Variants in CELF2 observed in about 807,000 individuals in gnomAD.
CELF2 encodes the protein CUG triplet repeat RNA-binding protein 2.
CELF2 carries 8 observed loss-of-function variants against 62.6 expected under a neutral mutation model. The observed-to-expected ratio is 0.13, with a 90% confidence interval of 0.07 to 0.23. The LOEUF is 0.23. Ranked by LOEUF, CELF2 falls within the 10% of genes least tolerant of loss-of-function variation. The pLI is 1.00. For synonymous variants in CELF2, 258 were observed against 250.0 expected (o/e 1.03, Z -0.30); for missense variants, 333 against 671.0 (o/e 0.50, Z 5.56).
rs1423913032 is a variant in CELF2, at chr10:11,330,867, A to ACT, written c.*1815_*1816dup. 2.0e-5 allele frequency: 3 copies of ACT among 152,568 alleles called. No homozygotes were observed. The highest frequency in any genetic ancestry group is 4.4e-5 in the Non-Finnish European group (3 of 68,022). 9.5% of individuals were successfully genotyped at this position (152,568 alleles called of 1,614,324 possible). A position where few individuals can be genotyped will look rare whatever the true frequency, so the allele number is the denominator to read the frequency against. ...ACAGAATGTTGGTTTCTAACAGACTACTTCCAAAAACAGTTTGAGAAAAAA... is the reference window on the plus strand; with the variant it reads ...ACAGAATGTTGGTTTCTAACAGACTACTCTTCCAAAAACAGTTTGAGAAAAAA... On this transcript the variant is annotated 3_prime_UTR_variant, in exon 13 of 13. Transcript: ENST00000633077. The surrounding 1 kb of genome is among the most constrained non-coding windows in gnomAD (Gnocchi z 4.5).
chr10:11,127,535 C>A (rs1478280718), intron 1 of CELF2, among the ~76,000 whole-genome samples: 3 of 152,170 alleles, frequency 2.0e-5, no homozygotes, highest in Non-Finnish European at 2.9e-5. Context: ...TCCTATTTCT[C>A]CACATCCTCT....
the CELF2 span, among the ~76,000 whole-genome samples, chr10:10,691,357 T>C: frequency 2.0e-5 from 3 of 149,366 alleles, no homozygotes; most frequent in African/African-American, 4.9e-5. Flanking sequence ...TATGGCTGCA[T>C]AGTATTCCAT....
intron 2 of CELF2, among the ~76,000 whole-genome samples, chr10:10,978,034 G>GTTTTTTTTTTTT (rs527485788): frequency 3.3e-5 from 4 of 121,782 alleles, no homozygotes; most frequent in Non-Finnish European, 3.4e-5. Context: ...GTTTTTTTTT[G>GTTTTTTTTTTTT]TTTTTTGTTT....
At chr10:10,549,680 C>T in the CELF2 span, among the ~76,000 whole-genome samples, 1 of 152,178 alleles carries the variant, frequency 6.6e-6, no homozygotes, top group African/African-American at 2.4e-5. Flanking sequence ...TGTCTATGTT[C>T]TCATTGACTC....
chr10:11,143,591 C>A (rs182291674), intron 1 of CELF2, among the ~76,000 whole-genome samples: 1 of 152,208 alleles, frequency 6.6e-6, no homozygotes, highest in Non-Finnish European at 1.5e-5. Context: ...CCATTGCTTT[C>A]CTCTTCCCTT....
the CELF2 span, among the ~76,000 whole-genome samples, chr10:10,494,599 A>G: frequency 6.6e-6 from 1 of 152,202 alleles, no homozygotes; most frequent in Non-Finnish European, 1.5e-5. Context: ...TTTCTTCCTC[A>G]GATCATTTTT....
chr10:10,784,244 G>A, the CELF2 span, among the ~76,000 whole-genome samples: 4 of 152,310 alleles, frequency 2.6e-5, no homozygotes, highest in South Asian at 6.2e-4. Context: ...TGTAGGAGCT[G>A]GGATGAGCAC....
chr10:10,774,140 C>G, the CELF2 span, among the ~76,000 whole-genome samples: 2 of 152,166 alleles, frequency 1.3e-5, no homozygotes, highest in African/African-American at 4.8e-5. Context: ...TTCTTTCTAT[C>G]AGCAGAGAAA....
the CELF2 span, among the ~76,000 whole-genome samples, chr10:10,674,086 T>C: frequency 6.6e-6 from 1 of 152,206 alleles, no homozygotes; most frequent in Non-Finnish European, 1.5e-5. Flanking sequence ...ACTGATTGTA[T>C]GCCTGCTGGA....
At chr10:10,889,656 T>A (rs2061997601) in intron 1 of CELF2, among the ~76,000 whole-genome samples, 1 of 152,250 alleles carries the variant, frequency 6.6e-6, no homozygotes, top group African/African-American at 2.4e-5. Flanking sequence ...TGTGCAGATC[T>A]AGCTAGCCTG....
chr10:11,135,714 A>G (rs1389764212), intron 1 of CELF2, among the ~76,000 whole-genome samples: 1 of 152,214 alleles, frequency 6.6e-6, no homozygotes, highest in East Asian at 1.9e-4. Flanking sequence ...ATCCATCATT[A>G]CTGCTCCCCC....
rs1246005161 is a variant in CELF2 at position 10,947,754 on chromosome 10, C to A, written c.89+27755C>A. ...CATGAGTAGCGTAAGAAGACACATA[C>A]ACACATCTTCACCACAGAAGAAAAA... is the stretch of plus-strand genomic sequence containing the variant. On this transcript the variant is annotated intron_variant, in intron 2 of 13. Coordinates refer to the CELF2 transcript ENST00000636488. The surrounding 1 kb of genome is among the most constrained non-coding windows in gnomAD (Gnocchi z 4.1). Among the ~76,000 whole-genome samples, 1 of 152,148 alleles carries A rather than the reference C, an allele frequency of 6.6e-6. No homozygotes were observed. Among genetic ancestry groups the A allele is most frequent in the Non-Finnish European group, 1.5e-5 (1 of 68,020 alleles).
the CELF2 span, among the ~76,000 whole-genome samples, chr10:10,729,887 G>A: frequency 1.3e-5 from 2 of 152,270 alleles, no homozygotes; most frequent in Admixed American, 6.5e-5. Flanking sequence ...TGAAACCTGT[G>A]TATGACTCCT....
the CELF2 span, chr10:10,784,724 G>C: frequency 6.6e-6 from 1 of 152,174 alleles, no homozygotes; most frequent in Admixed American, 6.5e-5. Context: ...AGGTGTGATG[G>C]GGCAAAAGGC....
chr10:11,276,762 G>T lies in CELF2; in HGVS notation c.841+1642G>T, dbSNP rs577564262. ...AGGCTGCTGCCGAGCGTGCTGTCCC[G>T]GGTGGACAGCGTGCCCTGTCATCTT... On this transcript the variant is annotated intron_variant, in intron 8 of 12. Coordinates refer to ENST00000633077, the MANE Select transcript of CELF2 (RefSeq NM_001326342.2). Among the ~76,000 whole-genome samples, 154 of 152,298 alleles carry T rather than the reference G, an allele frequency of 1.0e-3. 1 individual carries two copies. Among genetic ancestry groups the T allele is most frequent in the African/African-American group, 3.6e-3 (148 of 41,568 alleles).
At chr10:10,980,349 C>A (rs897412949) in intron 2 of CELF2, among the ~76,000 whole-genome samples, 4 of 152,200 alleles carry the variant, frequency 2.6e-5, no homozygotes, top group Admixed American at 1.3e-4. Flanking sequence ...CTCTTCCCCC[C>A]CCAAGATGGT....
rs1422302012 is a variant in CELF2 at position 10,833,584 on chromosome 10, G to A, written c.53+34767G>A. Among the ~76,000 whole-genome samples the A allele has an allele frequency of 2.6e-5, 4 of 152,174 alleles. No individual in the cohort carries two copies. The South Asian group carries it at 8.3e-4, about 32-fold the overall frequency. On this transcript the variant is annotated intron_variant, in intron 1 of 13. Coordinates refer to the CELF2 transcript ENST00000636488. ...GGAATATAATCAAGGATTGTGAATC[G>A]TGATGATGCGAACAGTGCGTGCACA...
chr10:11,288,292 A>C (rs2091834912), intron 8 of CELF2, 126 bp from the exon 9 acceptor site: 1 of 1,156,512 alleles, frequency 8.6e-7, no homozygotes, highest in Non-Finnish European at 1.2e-6. Flanking sequence ...CCACCCAGGC[A>C]GGTGACCTTG....
At chr10:11,116,162 G>C (rs554167819) in intron 1 of CELF2, among the ~76,000 whole-genome samples, 1 of 152,198 alleles carries the variant, frequency 6.6e-6, no homozygotes. Flanking sequence ...CTGCAAGAAT[G>C]CTAGATCGTA....
Sources: gnomAD v4.1 joint callset for allele counts (sites outside exome capture counted in the v4.1 genomes callset) on GRCh38, gnomAD v4.1.1 for gene constraint, Gnocchi (gnomAD v3.1) non-coding constraint, MANE v1.5 for transcripts, NCBI Gene and HGNC (gene_info 2026-07-23, HGNC 2026-07-21) for gene names.